OPTC: variants seen among roughly 807,000 people sequenced by gnomAD.
OPTC encodes oculoglycan.
Under a neutral mutation model 25.4 loss-of-function variants are expected in OPTC, and 22 were observed. That is an observed-to-expected ratio of 0.87 (90% CI 0.62 to 1.24). OPTC has a LOEUF of 1.24. Among genes scored for constraint, OPTC ranks in the 50% most tolerant of loss-of-function variants. The pLI, the probability that OPTC is intolerant of heterozygous loss-of-function variation, is 0.00. For missense variants in OPTC, 417 were observed against 425.2 expected (o/e 0.98, Z 0.17); for synonymous variants, 169 against 179.3 (o/e 0.94, Z 0.46).
chr1:203,503,021 C>CTT lies in OPTC; in HGVS notation c.828+12_828+13insTT, dbSNP rs1661416145. The CTT allele has an allele frequency of 1.2e-6, 2 of 1,600,472 alleles. No individual in the cohort carries two copies. Among genetic ancestry groups the CTT allele is most frequent in the East Asian group, 4.5e-5 (2 of 44,820 alleles). On this transcript the variant is annotated intron_variant, in intron 6 of 7. Transcript: ENST00000367222. ...CTGTACACCTGCAGGTAAGGAGCAC[C>CTT]ACCCAGAGCAAGGGTGATAAACAGC...
chr1:203,499,939 C>T, intron 5 of OPTC, 88 bp downstream of exon 5: 1 of 1,096,740 alleles, frequency 9.1e-7, no homozygotes, highest in South Asian at 1.3e-5. Flanking sequence ...CCACCACTCA[C>T]CTCCACCACC....
chr1:203,499,586 A>G (rs1661339823), intron 4 of OPTC, 63 bp from the exon 5 acceptor site: 3 of 1,432,918 alleles, frequency 2.1e-6, no homozygotes, highest in African/African-American at 1.4e-5. Context: ...GACAGCTCCA[A>G]CCTGGACAAG....
At chr1:203,500,712 C>T (rs1052937414) in intron 5 of OPTC, among the ~76,000 whole-genome samples, 1 of 152,170 alleles carries the variant, frequency 6.6e-6, no homozygotes. Flanking sequence ...ATCCAAAAGC[C>T]TCCAATAAGC....
chr1:203,502,970 G>A lies in OPTC; in HGVS notation c.789G>A (p.Pro263=), dbSNP rs77566947. The A allele has an allele frequency of 4.4e-3, 7,103 of 1,613,828 alleles. 129 individuals carry two copies. The African/African-American group carries it at 0.049, about 11-fold the overall frequency. ...CAGACAACCTGCTGGATTCTATCCC[G>A]GGGCCTTTGCCCCTGAGCCTGCGCT... is the stretch of plus-strand genomic sequence containing the variant. The part of the protein sequence containing the change: ...YLSDNLLDSI[P]GPLPLSLRSV... Residue 263 remains proline, a synonymous_variant, in exon 6 of 8, where the codon CCG becomes CCA. Transcript: ENST00000367222.
intron 1 of OPTC, among the ~76,000 whole-genome samples, chr1:203,494,775 T>G (rs1392932258): frequency 6.6e-6 from 1 of 152,254 alleles, no homozygotes; most frequent in Non-Finnish European, 1.5e-5. Context: ...TGGGTATGAC[T>G]GTTGTATACA....
rs1318073712 is a variant in OPTC at position 203,503,639 on chromosome 1, G to A, written c.918G>A (p.Leu306=). ...HTRRQLEDIR[L]DGNPINLSLF... is the part of the protein sequence containing the mutation. ...GCAGGCAGCTGGAAGACATCCGCCT[G>A]GATGGCAACCCCATCAACCTCAGCC... Residue 306 remains leucine, a synonymous_variant, in exon 7 of 8, where the codon CTG becomes CTA. Transcript: ENST00000367222. 6.2e-7 allele frequency: 1 copy of A among 1,613,416 alleles called. No homozygotes were observed. The highest frequency in any genetic ancestry group is 1.3e-5 in the African/African-American group (1 of 74,918).
chr1:203,502,774 C>T, intron 5 of OPTC, 140 bp from the exon 6 acceptor site: 1 of 725,338 alleles, frequency 1.4e-6, no homozygotes, highest in Admixed American at 2.0e-5. Context: ...TGGCACCCAG[C>T]ACAGAGCTTG....
In OPTC at chr1:203,499,827, G is replaced by T. The variant is rs781272745; in HGVS notation, c.708G>T (p.Ser236=). The T allele has an allele frequency of 1.2e-6, 2 of 1,612,070 alleles. No individual in the cohort carries two copies. The highest frequency in any genetic ancestry group is 8.5e-7 in the Non-Finnish European group (1 of 1,179,828). ...LDVRLNRLQS[S]GIQPAAFRAM... is the part of the protein sequence containing the mutation. Reference sequence around the variant, plus strand: ...TCCGCCTAAATCGGCTCCAGAGCTCGGGGATACAGCCTGCAGCCTTCAGGG... The same window carrying T: ...TCCGCCTAAATCGGCTCCAGAGCTCTGGGATACAGCCTGCAGCCTTCAGGG... The change falls in exon 5 of 8, where the codon TCG becomes TCT. Residue 236 remains serine (S), a synonymous_variant. Transcript: ENST00000367222.
intron 5 of OPTC, 109 bp downstream of exon 5, chr1:203,499,960 A>G: frequency 1.2e-6 from 1 of 857,440 alleles, no homozygotes; most frequent in East Asian, 2.6e-5. Context: ...ACCCACCTCC[A>G]CCTCTACCAC....
rs1661320293 is a variant in OPTC at position 203,498,792 on chromosome 1, G to GTC, written c.482_483insTC (p.Phe162ProfsTer16). Reference sequence around the variant, plus strand: ...CGGAGGACTGCCTACCTGTATGCACGCTTCAACCGCATCAGCCGTATCAGG... The same window carrying GTC: ...CGGAGGACTGCCTACCTGTATGCACGTCCTTCAACCGCATCAGCCGTATCAGG... On this transcript the variant is annotated frameshift_variant, in exon 4 of 8. Coordinates refer to ENST00000367222, the MANE Select transcript of OPTC (RefSeq NM_014359.4). LOFTEE classifies it high-confidence loss of function. The GTC allele has an allele frequency of 6.2e-7, 1 of 1,613,888 alleles. No homozygotes were observed. The highest frequency in any genetic ancestry group is 8.5e-7 in the Non-Finnish European group (1 of 1,180,014).
chr1:203,503,046 C>A, intron 6 of OPTC, 37 bp downstream of exon 6: 1 of 1,524,018 alleles, frequency 6.6e-7, no homozygotes, highest in Non-Finnish European at 9.1e-7. Flanking sequence ...TGATAAACAG[C>A]GTGGAGGATG....
chr1:203,506,217 T>C, intron 7 of OPTC, among the ~76,000 whole-genome samples: 1 of 150,088 alleles, frequency 6.7e-6, no homozygotes, highest in Non-Finnish European at 1.5e-5. Flanking sequence ...AATGGCGTGA[T>C]CTTGGCTCAC....
At chr1:203,499,505 G>A in intron 4 of OPTC, 144 bp from the exon 5 acceptor site, 1 of 782,886 alleles carries the variant, frequency 1.3e-6, no homozygotes, top group South Asian at 1.4e-5. Context: ...ATTTCCTCTG[G>A]TTTGGGCCTA....
chr1:203,494,511 T>C (rs1316689308), intron 1 of OPTC, among the ~76,000 whole-genome samples: 3 of 152,048 alleles, frequency 2.0e-5, no homozygotes. Flanking sequence ...TAACTGGGCA[T>C]GGTAACACAC....
intron 1 of OPTC, among the ~76,000 whole-genome samples, chr1:203,494,492 TG>T (rs1459357808): frequency 6.6e-6 from 1 of 151,320 alleles, no homozygotes; most frequent in East Asian, 1.9e-4. Context: ...TAAGAAAGGG[TG>T]GGGAGGTTAA....
At chr1:203,496,864 T>C in intron 2 of OPTC, 113 bp from the exon 3 acceptor site, 3 of 1,130,178 alleles carry the variant, frequency 2.7e-6, no homozygotes, top group South Asian at 1.3e-5. Flanking sequence ...CTCCTCCTCC[T>C]CCACAGTGAC....
intron 1 of OPTC, among the ~76,000 whole-genome samples, chr1:203,494,431 A>G (rs925391196): frequency 6.6e-6 from 1 of 152,190 alleles, no homozygotes; most frequent in Non-Finnish European, 1.5e-5. Context: ...GGTAAGGTGA[A>G]GAAACACCTC....
chr1:203,496,053 G>A lies in OPTC; in HGVS notation c.48G>A (p.Glu16=), dbSNP rs1331828355. 1 of 1,613,922 alleles carries A rather than the reference G, an allele frequency of 6.2e-7. No homozygotes were observed. Among genetic ancestry groups the A allele is most frequent in the African/African-American group, 1.3e-5 (1 of 74,932 alleles). ...FLSLLALVLQ[E]TGTASLPRKE... is the part of the protein sequence containing the mutation. ...GTCTGCTGGCCTTGGTGCTGCAGGA[G>A]ACAGGGACAGCTTCTCTCCCAAGGA... Residue 16 remains glutamate (E), a synonymous_variant, in exon 2 of 8, where the codon GAG becomes GAA. Transcript: ENST00000367222.
intron 7 of OPTC, among the ~76,000 whole-genome samples, chr1:203,505,739 G>A (rs762208448): frequency 5.3e-5 from 8 of 152,138 alleles, no homozygotes; most frequent in South Asian, 4.1e-4. Flanking sequence ...ACTTCATGCC[G>A]TCATGGTACC....
Sources: gnomAD v4.1 joint callset for allele counts (sites outside exome capture counted in the v4.1 genomes callset) on GRCh38, gnomAD v4.1.1 for gene constraint, MANE v1.5 for transcripts, NCBI Gene and HGNC (gene_info 2026-07-23, HGNC 2026-07-21) for gene names.